Variants in MTRR observed in about 807,000 individuals in gnomAD.
MTRR encodes the protein 5-methyltetrahydrofolate-homocysteine methyltransferase reductase, also known as methionine synthase reductase.
Under a neutral mutation model 79.2 loss-of-function variants are expected in MTRR, and 63 were observed. That is an observed-to-expected ratio of 0.80 (90% CI 0.65 to 0.98). MTRR has a LOEUF of 0.98. Ranked by LOEUF, MTRR falls within the 50% of genes least tolerant of loss-of-function variation. The pLI is 0.00. For missense variants in MTRR, 895 were observed against 839.6 expected, an observed-to-expected ratio of 1.07 and a Z score of -0.82; for synonymous variants, 355 against 313.3, an observed-to-expected ratio of 1.13 and a Z score of -1.41.
exon 1 of MTRR, chr5:7,851,326 A>C: frequency 3.3e-6 from 1 of 307,614 alleles, no homozygotes; most frequent in Non-Finnish European, 5.9e-6. Flanking sequence ...CAGCCCGCTC[A>C]CCTTTCCCAT....
upstream of MTRR, chr5:7,865,843 TA>T (rs969567738): frequency 5.9e-6 from 8 of 1,365,778 alleles, no homozygotes; most frequent in South Asian, 1.2e-5. Context: ...TAAAGGAACT[TA>T]AAAGGAAACT....
At chr5:7,888,226 AT>A (rs1736955014) in intron 8 of MTRR, among the ~76,000 whole-genome samples, 1 of 152,198 alleles carries the variant, frequency 6.6e-6, no homozygotes, top group Non-Finnish European at 1.5e-5. Context: ...AAATATTTAC[AT>A]TTTAAATTGT....
intron 8 of MTRR, 89 bp downstream of exon 8, chr5:7,886,792 T>C (rs1336870079): frequency 4.7e-6 from 5 of 1,054,806 alleles, no homozygotes; most frequent in South Asian, 1.3e-5. Flanking sequence ...ATATGCCCTT[T>C]GCAGTCTTAA....
intron 1 of MTRR, chr5:7,869,709 T>G (rs965380289): frequency 2.0e-5 from 4 of 195,134 alleles, no homozygotes; most frequent in Non-Finnish European, 4.2e-5. Flanking sequence ...CCGCTGAGAG[T>G]CGTGGGAAGG....
chr5:7,871,050 T>C, intron 2 of MTRR, 127 bp downstream of exon 2: 1 of 1,107,976 alleles, frequency 9.0e-7, no homozygotes, highest in Non-Finnish European at 1.4e-6. Flanking sequence ...GAAATGTGTT[T>C]GTTCAATGGT....
Position 7,896,882 on chromosome 5 carries a change from A to G in MTRR, c.1695A>G (p.Gln565=). The change falls in exon 13 of 15, where the codon CAA becomes CAG. Residue 565 remains glutamine, a synonymous_variant. Coordinates refer to ENST00000440940, the MANE Select transcript of MTRR (RefSeq NM_002454.3). ...CACTTAGAGAGAAACTCCAAGAACA[A>G]CACCCAGATGGAAATTTTGGAGCAA... ...FLQHREKLQE[Q]HPDGNFGAMW... 2 of 1,614,128 alleles carry G rather than the reference A, an allele frequency of 1.2e-6. No homozygotes were observed. The highest frequency in any genetic ancestry group is 1.1e-5 in the South Asian group (1 of 91,074).
rs1738623995 is a variant in MTRR, at chr5:7,896,938, A to G, written c.1751A>G (p.Asp584Gly). 1.2e-6 allele frequency: 2 copies of G among 1,613,970 alleles called. No homozygotes were observed. Among genetic ancestry groups the G allele is most frequent in the Admixed American group, 1.7e-5 (1 of 59,998 alleles). ...TTGTTTTTTGGCTGCAGGCATAAGG[A>G]TAGGGATTATCTATTCAGGTATTGT... ...MWLFFGCRHK[D>G]RDYLFRKELR... Residue 584 changes from aspartate (D) to glycine (G), a missense_variant, in exon 13 of 15, where the codon GAT (aspartate) becomes GGT (glycine). Coordinates refer to ENST00000440940, the MANE Select transcript of MTRR (RefSeq NM_002454.3).
chr5:7,895,963 T>C (rs1738440987), intron 12 of MTRR, 111 bp downstream of exon 12: 1 of 1,328,648 alleles, frequency 7.5e-7, no homozygotes, highest in Admixed American at 2.0e-5. Flanking sequence ...TAAAAAATTA[T>C]TATTCAATGT....
rs546169824 is a variant in MTRR at position 7,894,775 on chromosome 5, AT to A, written c.1558-955del. Among the ~76,000 whole-genome samples the A allele has an allele frequency of 2.1e-4, 32 of 152,146 alleles. 1 individual carries two copies. In the East Asian group the frequency reaches 5.4e-3, roughly 26 times the overall value. ...GATATATGTGATAATGTGTATGTTT[AT>A]TTTCTTTTCCTTCCACTAGAATGTA... On this transcript the variant is annotated intron_variant, in intron 11 of 14. Transcript: ENST00000440940.
At chr5:7,856,751 T>A (rs1421623792) in intron 1 of MTRR, 1 of 87,972 alleles carries the variant, frequency 1.1e-5, no homozygotes, top group Admixed American at 1.1e-4. Flanking sequence ...TAGGTATACT[T>A]TTTTTTTTTT....
chr5:7,872,912 C>T (rs1156468593), intron 2 of MTRR, among the ~76,000 whole-genome samples: 1 of 152,138 alleles, frequency 6.6e-6, no homozygotes, highest in Non-Finnish European at 1.5e-5. Flanking sequence ...ATCACAGTGC[C>T]TAGGTGCCTC....
chr5:7,867,917 T>C (rs2966952), upstream of MTRR: 1,342,423 of 1,613,950 alleles, frequency 0.83, 559,506 homozygotes, highest in African/African-American at 0.9. Context: ...ATGATGGAAT[T>C]TGACCCCGAA....
intron 14 of MTRR, among the ~76,000 whole-genome samples, chr5:7,899,241 G>T (rs1739069628): frequency 6.6e-6 from 1 of 152,096 alleles, no homozygotes; most frequent in Admixed American, 6.5e-5. Flanking sequence ...AAGATTTGGA[G>T]AGGGCACACA....
At chr5:7,874,577 A>AG in intron 3 of MTRR, among the ~76,000 whole-genome samples, 1 of 133,772 alleles carries the variant, frequency 7.5e-6, no homozygotes. Flanking sequence ...TGCACAACTG[A>AG]GGGATTTAAG....
upstream of MTRR, among the ~76,000 whole-genome samples, chr5:7,865,409 G>A (rs1006148188): frequency 1.3e-5 from 2 of 152,188 alleles, no homozygotes; most frequent in African/African-American, 2.4e-5. Flanking sequence ...TAAGGAATGT[G>A]ATAGGTAATA....
At chr5:7,891,539 C>T in intron 10 of MTRR, 125 bp downstream of exon 10, 1 of 757,340 alleles carries the variant, frequency 1.3e-6, no homozygotes, top group East Asian at 2.6e-5. Flanking sequence ...AAGACAGTAC[C>T]AGGCATAATA....
At chr5:7,858,865 CCAAT>C (rs4001965) in intron 1 of MTRR, among the ~76,000 whole-genome samples, 6,209 of 152,052 alleles carry the variant, frequency 0.041, 271 homozygotes, top group East Asian at 0.21. Context: ...GATCCTCCCT[CCAAT>C]CAAACAGCTC....
chr5:7,885,613 A>G, intron 6 of MTRR, 88 bp from the exon 7 acceptor site: 1 of 1,256,262 alleles, frequency 8.0e-7, no homozygotes, highest in Non-Finnish European at 1.1e-6. Flanking sequence ...AAATCATAAT[A>G]TTGAAAACTA....
intron 5 of MTRR, among the ~76,000 whole-genome samples, chr5:7,879,395 G>A (rs1477043130): frequency 3.3e-5 from 5 of 150,334 alleles, no homozygotes; most frequent in Non-Finnish European, 7.4e-5. Context: ...TCCGGGAGGC[G>A]GAGGTTGCAG....
Sources: allele counts gnomAD v4.1 joint callset (sites outside exome capture counted in the v4.1 genomes callset), GRCh38; gene constraint gnomAD v4.1.1; transcripts MANE v1.5; gene names NCBI Gene and HGNC (gene_info 2026-07-23, HGNC 2026-07-21).